Variants in NBEA observed in about 807,000 individuals in gnomAD.
The protein encoded by NBEA is neurobeachin.
A neutral mutation model predicts 343.4 loss-of-function variants in NBEA; 44 were observed. The ratio of observed to expected loss-of-function variants is 0.13; its 90% CI spans 0.10 to 0.16. The LOEUF (loss-of-function observed/expected upper bound fraction) is 0.16. Ranked by LOEUF, NBEA falls within the 10% of genes least tolerant of loss-of-function variation. The pLI is 1.00. For synonymous variants in NBEA, 1,175 were observed against 1,238.7 expected (o/e 0.95, Z 1.08); for missense variants, 2,555 against 3,631.3 (o/e 0.70, Z 7.62).
At chr13:35,267,710 A>G (rs1419777036) in intron 34 of NBEA, among the ~76,000 whole-genome samples, 1 of 151,840 alleles carries the variant, frequency 6.6e-6, no homozygotes, top group African/African-American at 2.4e-5. Context: ...TTTTCAAAAA[A>G]GTACATACAA....
intron 44 of NBEA, among the ~76,000 whole-genome samples, chr13:35,556,666 A>G (rs1399803769): frequency 1.3e-5 from 2 of 152,062 alleles, no homozygotes; most frequent in African/African-American, 4.8e-5. Flanking sequence ...TATTTTTCTT[A>G]ATTTGAACTC....
intron 48 of NBEA, 39 bp downstream of exon 48, chr13:35,606,617 G>A (rs565807983): frequency 1.3e-6 from 2 of 1,536,378 alleles, no homozygotes; most frequent in East Asian, 4.6e-5. Flanking sequence ...AGTCATCAGG[G>A]AGTTAACATA....
intron 10 of NBEA, among the ~76,000 whole-genome samples, chr13:35,086,150 C>T (rs1301897259): frequency 6.6e-6 from 1 of 152,058 alleles, no homozygotes; most frequent in Non-Finnish European, 1.5e-5. Context: ...AATGGCCATA[C>T]TGCCCAAGGT....
At chr13:35,084,898 G>T (rs1406105457) in intron 10 of NBEA, among the ~76,000 whole-genome samples, 5 of 151,966 alleles carry the variant, frequency 3.3e-5, no homozygotes, top group Non-Finnish European at 7.4e-5. Context: ...TGATAAAGGG[G>T]ATATCACCAC....
At chr13:35,180,432 C>T (rs1235402145) in intron 28 of NBEA, among the ~76,000 whole-genome samples, 1 of 151,616 alleles carries the variant, frequency 6.6e-6, no homozygotes, top group African/African-American at 2.4e-5. Context: ...TTACATGCAG[C>T]TTGTTATATT....
chr13:35,521,579 C>T (rs2077716600), intron 41 of NBEA, among the ~76,000 whole-genome samples: 1 of 152,166 alleles, frequency 6.6e-6, no homozygotes, highest in African/African-American at 2.4e-5. Flanking sequence ...TCTGCTTCTG[C>T]TTCATCGTTG....
intron 18 of NBEA, among the ~76,000 whole-genome samples, chr13:35,154,908 A>C (rs2069052129): frequency 6.6e-6 from 1 of 151,828 alleles, no homozygotes; most frequent in African/African-American, 2.4e-5. Context: ...GGAGGATCTC[A>C]GGAGCCCAGG....
intron 41 of NBEA, chr13:35,475,043 T>G: frequency 6.2e-7 from 1 of 1,603,480 alleles, no homozygotes; most frequent in Non-Finnish European, 8.5e-7. Flanking sequence ...ATTTCGGCTC[T>G]TGATTAAATC....
In NBEA at chr13:35,493,148, A is replaced by G. The variant is rs549367857; in HGVS notation, c.6585+20612A>G. Among the ~76,000 whole-genome samples the G allele has an allele frequency of 4.6e-5, 7 of 152,038 alleles. No homozygotes were observed. In the South Asian group the frequency reaches 1.4e-3, roughly 31 times the overall value. On this transcript the variant is annotated intron_variant, in intron 41 of 58. Transcript: ENST00000379939. ...AAAGAATTTTGGGGAAAGAAGACCC[A>G]TGAAGAGTAGAATGAATGCTGTTAA...
At chr13:35,339,967 T>G (rs2039493170) in intron 36 of NBEA, among the ~76,000 whole-genome samples, 1 of 152,030 alleles carries the variant, frequency 6.6e-6, no homozygotes, top group African/African-American at 2.4e-5. Context: ...ATCAAAAAAT[T>G]AGAAAATAAT....
intron 8 of NBEA, among the ~76,000 whole-genome samples, chr13:35,060,683 G>A (rs1199044014): frequency 6.7e-6 from 1 of 150,336 alleles, no homozygotes; most frequent in Non-Finnish European, 1.5e-5. Context: ...TACCATGACA[G>A]GCATCAGCAA....
chr13:35,441,013 T>C (rs1240346692), intron 39 of NBEA, among the ~76,000 whole-genome samples: 2 of 152,204 alleles, frequency 1.3e-5, no homozygotes, highest in Non-Finnish European at 2.9e-5. Context: ...TTTAAATGTT[T>C]TGGTGTTTTA....
intron 24 of NBEA, among the ~76,000 whole-genome samples, chr13:35,168,198 T>G (rs1195341594): frequency 6.6e-6 from 1 of 151,664 alleles, no homozygotes; most frequent in Non-Finnish European, 1.5e-5. Flanking sequence ...TCCTATACAA[T>G]GTACCATGAA....
chr13:35,179,634 A>C (rs1389359429), intron 28 of NBEA: 1 of 260,302 alleles, frequency 3.8e-6, no homozygotes, highest in Non-Finnish European at 6.0e-6. Context: ...AGTGTCTGTT[A>C]TTTACAGCGC....
At chr13:35,610,465 T>A (rs1237479715) in intron 48 of NBEA, among the ~76,000 whole-genome samples, 1 of 151,528 alleles carries the variant, frequency 6.6e-6, no homozygotes, top group Non-Finnish European at 1.5e-5. Flanking sequence ...GCTGGAAAAA[T>A]TGGTGCTAGA....
At chr13:35,226,556 T>C (rs1181039547) in intron 33 of NBEA, among the ~76,000 whole-genome samples, 1 of 152,168 alleles carries the variant, frequency 6.6e-6, no homozygotes, top group Non-Finnish European at 1.5e-5. Flanking sequence ...TTACCCTTTT[T>C]ATCACTAGAT....
intron 34 of NBEA, among the ~76,000 whole-genome samples, chr13:35,252,410 C>T (rs2032089348): frequency 6.6e-6 from 1 of 152,106 alleles, no homozygotes; most frequent in Non-Finnish European, 1.5e-5. Context: ...AACACAAAGC[C>T]TAACCATATC....
intron 36 of NBEA, among the ~76,000 whole-genome samples, chr13:35,322,492 A>G (rs928075540): frequency 1.3e-5 from 2 of 152,122 alleles, no homozygotes; most frequent in African/African-American, 4.8e-5. Context: ...TGGGTACCTC[A>G]GTTGGAAATG....
intron 34 of NBEA, among the ~76,000 whole-genome samples, chr13:35,236,763 T>C (rs1478853484): frequency 3.1e-5 from 4 of 129,408 alleles, no homozygotes; most frequent in African/African-American, 9.2e-5. Flanking sequence ...GCCTAAACCC[T>C]TTTTTTTTTT....
Sources: allele counts gnomAD v4.1 joint callset (sites outside exome capture counted in the v4.1 genomes callset), GRCh38; gene constraint gnomAD v4.1.1; transcripts MANE v1.5; gene names NCBI Gene and HGNC (gene_info 2026-07-23, HGNC 2026-07-21).